The following NHEJ1 variants were observed in gnomAD, a reference collection of about 807,000 sequenced individuals.
NHEJ1 encodes the protein non-homologous end-joining factor 1.
A neutral mutation model predicts 39.4 loss-of-function variants in NHEJ1; 22 were observed. The ratio of observed to expected loss-of-function variants is 0.56; its 90% confidence interval spans 0.40 to 0.80. The LOEUF (loss-of-function observed/expected upper bound fraction) is 0.80. Among genes scored for constraint, NHEJ1 ranks in the 30% least tolerant of loss-of-function variants. The pLI is 0.00. For synonymous variants in NHEJ1, 154 were observed against 135.6 expected (o/e 1.14, Z -0.94); for missense variants, 329 against 357.1 (o/e 0.92, Z 0.63).
intron 6 of NHEJ1, 25 bp downstream of exon 6, chr2:219,078,064 G>T: frequency 1.3e-6 from 2 of 1,517,714 alleles, no homozygotes; most frequent in Non-Finnish European, 1.8e-6. Context: ...TCCTCACACA[G>T]ACCGGGTACC....
intron 5 of NHEJ1, among the ~76,000 whole-genome samples, chr2:219,109,956 G>T (rs998928186): frequency 1.3e-5 from 2 of 152,090 alleles, no homozygotes; most frequent in African/African-American, 2.4e-5. Flanking sequence ...TTTGGTAAGG[G>T]TATGAATAGT....
chr2:219,095,263 C>G (rs1574708738), intron 5 of NHEJ1: 1 of 469,644 alleles, frequency 2.1e-6, no homozygotes. Flanking sequence ...ACAATGGAAA[C>G]AAAAGCTTAC....
chr2:219,098,771 C>A (rs1011830665), intron 5 of NHEJ1, among the ~76,000 whole-genome samples: 11 of 151,944 alleles, frequency 7.2e-5, no homozygotes, highest in African/African-American at 2.4e-4. Context: ...GGCAACACAG[C>A]GAGAGTCTGT....
chr2:219,110,582 G>T (rs553372297), intron 5 of NHEJ1, among the ~76,000 whole-genome samples: 2 of 141,972 alleles, frequency 1.4e-5, no homozygotes, highest in Non-Finnish European at 3.1e-5. Context: ...ATGGAGAAAA[G>T]TACAGCAGAG....
intron 5 of NHEJ1, among the ~76,000 whole-genome samples, chr2:219,144,540 G>A (rs909472973): frequency 6.6e-6 from 1 of 152,096 alleles, no homozygotes; most frequent in Non-Finnish European, 1.5e-5. Context: ...ATTAATAGAA[G>A]TTTGCAAGTT....
At chr2:219,099,225 G>T (rs2106332052) in intron 5 of NHEJ1, among the ~76,000 whole-genome samples, 1 of 152,340 alleles carries the variant, frequency 6.6e-6, no homozygotes, top group Non-Finnish European at 1.5e-5. Context: ...TGGCACTACT[G>T]CCACTTTGCG....
chr2:219,131,484 T>C lies in NHEJ1; in HGVS notation c.588+15196A>G, dbSNP rs1574731255. Among the ~76,000 whole-genome samples, 5 of 152,232 alleles carry C rather than the reference T, an allele frequency of 3.3e-5. No homozygotes were observed. The South Asian group carries it at 6.2e-4, about 19-fold the overall frequency. On this transcript the variant is annotated intron_variant, in intron 5 of 7. Transcript: ENST00000356853. ...GCTGAATAAATATTGAGAGTGCTAC[T>C]TGTTAAACACAGGAAAAGGGCAAAA...
intron 3 of NHEJ1, among the ~76,000 whole-genome samples, chr2:219,155,512 T>C (rs951776889): frequency 6.6e-6 from 1 of 152,130 alleles, no homozygotes; most frequent in Non-Finnish European, 1.5e-5. Context: ...AAGAAATTAA[T>C]TTAAAATAAA....
chr2:219,125,416 A>T (rs891472954), intron 5 of NHEJ1: 2 of 152,290 alleles, frequency 1.3e-5, no homozygotes, highest in Non-Finnish European at 2.9e-5. Flanking sequence ...AAGGAGACAC[A>T]CCACGAGCCT....
At chr2:219,121,789 A>T (rs1429452968) in intron 5 of NHEJ1, among the ~76,000 whole-genome samples, 3 of 151,448 alleles carry the variant, frequency 2.0e-5, no homozygotes, top group Non-Finnish European at 4.4e-5. Context: ...TTGCACCACC[A>T]CACTCCAGCC....
At chr2:219,159,610 T>TGC (rs1949908744) in intron 1 of NHEJ1, among the ~76,000 whole-genome samples, 5 of 142,718 alleles carry the variant, frequency 3.5e-5, no homozygotes, top group Non-Finnish European at 6.0e-5. Flanking sequence ...TGCATATATA[T>TGC]ACATATACGT....
intron 1 of NHEJ1, among the ~76,000 whole-genome samples, chr2:219,159,543 A>G (rs1299719168): frequency 1.4e-4 from 2 of 14,572 alleles, no homozygotes; most frequent in Non-Finnish European, 6.3e-4. Flanking sequence ...ATATGCATAT[A>G]TATATATGCA....
rs368661291 is a variant in NHEJ1, at chr2:219,111,806, C to T, written c.589-33600G>A. Among the ~76,000 whole-genome samples the T allele has an allele frequency of 5.3e-5, 8 of 152,102 alleles. No homozygotes were observed. The highest frequency in any genetic ancestry group is 1.0e-4 in the Non-Finnish European group (7 of 68,028). On this transcript the variant is annotated intron_variant, in intron 5 of 7. Coordinates refer to ENST00000356853, the MANE Select transcript of NHEJ1 (RefSeq NM_024782.3). The surrounding 1 kb of genome is among the most constrained non-coding windows in gnomAD (Gnocchi z 4.1). ...ATTGACCTTTGGAGGGGACAGAAAC[C>T]GGTCCCATATTTACCAGCTTTATAA...
Position 219,147,666 on chromosome 2 carries a change from G to C in NHEJ1, c.520C>G (p.Leu174Val). 1 of 1,614,158 alleles carries C rather than the reference G, an allele frequency of 6.2e-7. No homozygotes were observed. Among genetic ancestry groups the C allele is most frequent in the Non-Finnish European group, 8.5e-7 (1 of 1,180,030 alleles). Residue 174 changes from leucine to valine, a missense_variant, in exon 4 of 8, where the codon CTG becomes GTG. Physicochemically the swap from Leu to Val is conservative, Grantham distance 32 (BLOSUM62 1). Coordinates refer to ENST00000356853, the MANE Select transcript of NHEJ1 (RefSeq NM_024782.3). The part of the protein sequence containing the change: ...IQDYQESGAT[L>V]IRDRLKTEPF... Reference sequence around the variant, plus strand: ...AAGAATGTCCTCTTACCTCGAATCAGCGTAGCCCCACTCTCCTGGTAGTCT... The same window carrying C: ...AAGAATGTCCTCTTACCTCGAATCACCGTAGCCCCACTCTCCTGGTAGTCT...
chr2:219,082,570 G>C lies in NHEJ1; in HGVS notation c.589-4364C>G, dbSNP rs1949076721. Among the ~76,000 whole-genome samples the C allele has an allele frequency of 2.0e-5, 3 of 152,230 alleles. No individual in the cohort carries two copies. The South Asian group carries it at 6.2e-4, about 31-fold the overall frequency. On this transcript the variant is annotated intron_variant, in intron 5 of 7. Transcript: ENST00000356853. ...CTAGAATCCTGGGTAAGAAAGGCTA[G>C]ATCTGATCTACTGCTCACCCTATAA...
At chr2:219,094,891 G>A (rs1949192127) in intron 5 of NHEJ1, among the ~76,000 whole-genome samples, 1 of 152,012 alleles carries the variant, frequency 6.6e-6, no homozygotes, top group Admixed American at 6.6e-5. Flanking sequence ...CTGGTTACAG[G>A]GCATCTTGAA....
intron 5 of NHEJ1, among the ~76,000 whole-genome samples, chr2:219,086,106 G>A (rs1343547831): frequency 6.6e-6 from 1 of 152,144 alleles, no homozygotes; most frequent in East Asian, 1.9e-4. Context: ...CTTTCTATGT[G>A]CTAGGTACTA....
At chr2:219,145,856 C>G (rs1949734184) in intron 5 of NHEJ1, among the ~76,000 whole-genome samples, 1 of 151,062 alleles carries the variant, frequency 6.6e-6, no homozygotes, top group South Asian at 2.1e-4. Flanking sequence ...CGCTTGAACC[C>G]GGGAGGCGGA....
chr2:219,122,932 C>T (rs1949485175), intron 5 of NHEJ1, among the ~76,000 whole-genome samples: 1 of 152,152 alleles, frequency 6.6e-6, no homozygotes, highest in South Asian at 2.1e-4. Context: ...ATAGCGGAGG[C>T]CAGTTTGGAG....
Sources: gnomAD v4.1 joint callset for allele counts (sites outside exome capture counted in the v4.1 genomes callset) on GRCh38, gnomAD v4.1.1 for gene constraint, Gnocchi (gnomAD v3.1) non-coding constraint, MANE v1.5 for transcripts, NCBI Gene and HGNC (gene_info 2026-07-23, HGNC 2026-07-21) for gene names.